The following PFKP variants were observed in gnomAD, a reference collection of about 807,000 sequenced individuals.
PFKP encodes the protein phosphofructokinase, platelet.
Under a neutral mutation model 94.3 loss-of-function variants are expected in PFKP, and 101 were observed. The observed-to-expected ratio is 1.07, with a 90% CI of 0.91 to 1.26. The LOEUF (loss-of-function observed/expected upper bound fraction) is 1.26, where lower values mean the gene tolerates loss of function less well. Ranked by LOEUF, PFKP falls within the 50% of genes most tolerant of loss-of-function variation. The pLI is 0.00. For missense variants in PFKP, 1,145 were observed against 1,103.3 expected, an observed-to-expected ratio of 1.04 and a Z score of -0.53; for synonymous variants, 573 against 432.6, an observed-to-expected ratio of 1.32 and a Z score of -4.03.
In PFKP at chr10:3,112,172, T is replaced by C. The variant is rs568663587; in HGVS notation, c.1090-50T>C. 1.1e-5 allele frequency: 16 copies of C among 1,460,212 alleles called. No individual in the cohort carries two copies. In the South Asian group the frequency reaches 1.5e-4, roughly 14 times the overall value. The allele number at this position is 1,460,212 out of a possible 1,614,324, so 90.5% of individuals were successfully genotyped here. A position where few individuals can be genotyped will look rare whatever the true frequency, so the allele number is the denominator to read the frequency against. On this transcript the variant is annotated intron_variant, in intron 10 of 21. Transcript: ENST00000381125. ...CAGTCTCTACCTACCCCATCCATGA[T>C]GCACCAGGTCCTGACACATTCTTTC... is the stretch of plus-strand genomic sequence containing the variant.
intron 1 of PFKP, among the ~76,000 whole-genome samples, chr10:3,074,533 A>G (rs1190217746): frequency 6.6e-6 from 1 of 152,200 alleles, no homozygotes; most frequent in African/African-American, 2.4e-5. Flanking sequence ...CACAAGGAGC[A>G]GGCCACAGAT....
intron 4 of PFKP, 74 bp downstream of exon 4, chr10:3,101,628 T>C (rs1835007329): frequency 2.8e-6 from 3 of 1,085,934 alleles, no homozygotes; most frequent in Non-Finnish European, 3.9e-6. Context: ...CAGGTTTCCC[T>C]CTTCACTGTG....
At chr10:3,099,964 G>T (rs1001811479) in intron 3 of PFKP, among the ~76,000 whole-genome samples, 1 of 151,736 alleles carries the variant, frequency 6.6e-6, no homozygotes, top group South Asian at 2.1e-4. Flanking sequence ...GTGCCCGTGT[G>T]TATGTGTTAA....
chr10:3,081,672 C>G (rs1318862258), intron 1 of PFKP, among the ~76,000 whole-genome samples: 3 of 152,198 alleles, frequency 2.0e-5, no homozygotes, highest in African/African-American at 7.2e-5. Flanking sequence ...TCCCCCAAAT[C>G]CAGCGGCAGT....
intron 2 of PFKP, among the ~76,000 whole-genome samples, chr10:3,098,529 G>C (rs1377160828): frequency 6.6e-6 from 1 of 151,908 alleles, no homozygotes; most frequent in Non-Finnish European, 1.5e-5. Context: ...ACAAAAATTA[G>C]CCAGGTGCAG....
At chr10:3,100,923 G>T (rs751059143) in intron 3 of PFKP, 1 of 1,595,562 alleles carries the variant, frequency 6.3e-7, no homozygotes, top group Non-Finnish European at 8.6e-7. Flanking sequence ...ACTTGCAGGT[G>T]CTGTAAGGGG....
chr10:3,067,812 G>C (rs952766776), intron 1 of PFKP, 105 bp downstream of exon 1: 3 of 499,776 alleles, frequency 6.0e-6, no homozygotes, highest in Non-Finnish European at 1.0e-5. Context: ...GGAAGCGATG[G>C]GGGGGACCCG....
At chr10:3,096,753 T>G (rs989902031) in intron 2 of PFKP, among the ~76,000 whole-genome samples, 1 of 151,804 alleles carries the variant, frequency 6.6e-6, no homozygotes, top group African/African-American at 2.4e-5. Flanking sequence ...GAGCGCTCTG[T>G]TGTGCTTGCA....
At chr10:3,115,468 GC>G (rs1836732006) in intron 13 of PFKP, among the ~76,000 whole-genome samples, 8 of 24,930 alleles carry the variant, frequency 3.2e-4, no homozygotes, top group East Asian at 1.4e-3. Context: ...TGTGTGTCCC[GC>G]CATGGAGGAC....
chr10:3,091,227 T>C (rs1218653809), intron 2 of PFKP, among the ~76,000 whole-genome samples: 1 of 152,156 alleles, frequency 6.6e-6, no homozygotes, highest in African/African-American at 2.4e-5. Context: ...TCTCTTAAGC[T>C]AAGGTTTTTC....
At chr10:3,076,017 C>CAAAAAAAA (rs59102828) in intron 1 of PFKP, among the ~76,000 whole-genome samples, 22 of 61,806 alleles carry the variant, frequency 3.6e-4, no homozygotes, top group Non-Finnish European at 3.9e-4. Flanking sequence ...GACTCCGTCT[C>CAAAAAAAA]AAAAAAAAAA....
chr10:3,114,333 A>C (rs1836578001), intron 13 of PFKP, among the ~76,000 whole-genome samples: 1 of 152,104 alleles, frequency 6.6e-6, no homozygotes, highest in South Asian at 2.1e-4. Context: ...TATTTTTAGT[A>C]GAGATGGGGT....
rs868399512 is a variant in PFKP, at chr10:3,115,497, G to A, written c.1372-1279G>A. Among the ~76,000 whole-genome samples the A allele has an allele frequency of 1.7e-3, 224 of 134,922 alleles. 14 individuals carry two copies. Among genetic ancestry groups the A allele is most frequent in the Middle Eastern group, 7.5e-3 (2 of 268 alleles). The allele number at this position is 134,922 out of a possible 152,430, so 88.5% of individuals were successfully genotyped here. A position where few individuals can be genotyped will look rare whatever the true frequency, so the allele number is the denominator to read the frequency against. ...TGGAGGACAGGACTGGGGATGCTGGGGTGAAGGTGTGTGTCCCACAGCTGA... is the reference window on the plus strand; with the variant it reads ...TGGAGGACAGGACTGGGGATGCTGGAGTGAAGGTGTGTGTCCCACAGCTGA... On this transcript the variant is annotated intron_variant, in intron 13 of 21. Transcript: ENST00000381125.
chr10:3,075,176 A>G (rs1463383738), intron 1 of PFKP, among the ~76,000 whole-genome samples: 1 of 152,202 alleles, frequency 6.6e-6, no homozygotes, highest in East Asian at 1.9e-4. Context: ...TGGGTGGGCC[A>G]GGTGCTCCTT....
rs901494942 is a variant in PFKP, at chr10:3,107,784, A to G, written c.870+475A>G. ...CTGTGTCCTCGTGGCCCTGCCTGGG[A>G]ACAGGCTTTGGCAGGCTTTGGCAGG... On this transcript the variant is annotated intron_variant, in intron 8 of 21. Coordinates refer to ENST00000381125, the MANE Select transcript of PFKP (RefSeq NM_002627.5). 3 of 1,199,150 alleles carry G rather than the reference A, an allele frequency of 2.5e-6. No homozygotes were observed. In the African/African-American group the frequency reaches 4.8e-5, roughly 19 times the overall value. 74.3% of individuals were successfully genotyped at this position (1,199,150 alleles called of 1,614,324 possible).
intron 8 of PFKP, among the ~76,000 whole-genome samples, 173 bp downstream of exon 8, chr10:3,107,482 G>A (rs1332691582): frequency 1.3e-5 from 2 of 152,340 alleles, no homozygotes; most frequent in East Asian, 1.9e-4. Context: ...CGCAGCTCCC[G>A]CTCCTGGGAG....
At chr10:3,081,645 A>G (rs552483698) in intron 1 of PFKP, among the ~76,000 whole-genome samples, 1 of 152,210 alleles carries the variant, frequency 6.6e-6, no homozygotes, top group South Asian at 2.1e-4. Flanking sequence ...TGGTTCCGAG[A>G]CACTAGTGGC....
At chr10:3,101,131 C>T in intron 3 of PFKP, 1 of 813,890 alleles carries the variant, frequency 1.2e-6, no homozygotes, top group East Asian at 2.5e-5. Context: ...GTGTCTGGCT[C>T]TGCACCCTCC....
chr10:3,115,383 A>G (rs77979913), intron 13 of PFKP, among the ~76,000 whole-genome samples: 18,655 of 49,054 alleles, frequency 0.38, 5,310 homozygotes, highest in East Asian at 0.66. Flanking sequence ...CGCAGCTGAG[A>G]ACAGGACTGG....
Sources: allele counts gnomAD v4.1 joint callset (sites outside exome capture counted in the v4.1 genomes callset), GRCh38; gene constraint gnomAD v4.1.1; transcripts MANE v1.5; gene names NCBI Gene and HGNC (gene_info 2026-07-23, HGNC 2026-07-21).